Variants in NTM observed in about 807,000 individuals in gnomAD.
NTM encodes the protein neurotrimin, also known as IgLON family member 2.
A neutral mutation model predicts 42.1 loss-of-function variants in NTM; 13 were observed. The observed-to-expected ratio is 0.31, with a 90% confidence interval of 0.20 to 0.49. NTM has a LOEUF of 0.49. Ranked by LOEUF, NTM falls within the 20% of genes least tolerant of loss-of-function variation. The pLI, the probability that NTM is intolerant of heterozygous loss-of-function variation, is 0.99. For synonymous variants in NTM, 187 were observed against 179.2 expected (o/e 1.04, Z -0.35); for missense variants, 373 against 452.8 (o/e 0.82, Z 1.60).
At chr11:132,079,681 A>C (rs1206009245) in intron 2 of NTM, among the ~76,000 whole-genome samples, 1 of 152,208 alleles carries the variant, frequency 6.6e-6, no homozygotes, top group Non-Finnish European at 1.5e-5. Context: ...TCTTGATGAC[A>C]ATTGTGAACG....
At chr11:131,408,290 C>T (rs1053636759) in intron 1 of NTM, among the ~76,000 whole-genome samples, 1 of 152,190 alleles carries the variant, frequency 6.6e-6, no homozygotes, top group Non-Finnish European at 1.5e-5. Flanking sequence ...AAACCCCTAT[C>T]CTGCCTGTAA....
chr11:131,389,023 A>AG lies in NTM; in HGVS notation c.82+18135_82+18136insG, dbSNP rs1475118327. The stretch of plus-strand genomic sequence containing the variant: ...GCAAGACTTCATCACAAAAAAAAAA[A>AG]AAAAAGAAAAGAAAAGAAAAGAAAA... On this transcript the variant is annotated intron_variant, in intron 1 of 8. Transcript: ENST00000683400. Among the ~76,000 whole-genome samples, 331 of 147,328 alleles carry AG rather than the reference A, an allele frequency of 2.2e-3. 2 individuals carry two copies. Among genetic ancestry groups the AG allele is most frequent in the African/African-American group, 7.1e-3 (283 of 40,138 alleles).
intron 4 of NTM, 106 bp downstream of exon 4, chr11:132,212,253 T>C (rs1180316117): frequency 1.3e-5 from 11 of 846,662 alleles, no homozygotes; most frequent in Non-Finnish European, 2.0e-5. Flanking sequence ...GAGTCTACGT[T>C]TTTGGTGGCT....
chr11:131,382,191 G>C (rs1942769974), intron 1 of NTM, among the ~76,000 whole-genome samples: 1 of 152,138 alleles, frequency 6.6e-6, no homozygotes. Context: ...AGTGTGGAGG[G>C]TTGTACTTGG....
At chr11:131,405,915 A>G (rs989046662) in intron 1 of NTM, among the ~76,000 whole-genome samples, 5 of 152,080 alleles carry the variant, frequency 3.3e-5, no homozygotes, top group Non-Finnish European at 5.9e-5. Flanking sequence ...TTCTTCCTGG[A>G]AGGTTTTCCC....
chr11:131,924,007 C>T (rs1352196888), intron 2 of NTM, among the ~76,000 whole-genome samples: 1 of 152,230 alleles, frequency 6.6e-6, no homozygotes, highest in Non-Finnish European at 1.5e-5. Flanking sequence ...GTGCCTGGCA[C>T]TCTGCTCATA....
At chr11:132,332,086 A>T (rs892401647) in intron 8 of NTM, among the ~76,000 whole-genome samples, 2 of 152,260 alleles carry the variant, frequency 1.3e-5, no homozygotes, top group African/African-American at 4.8e-5. Context: ...TGGAATTCGC[A>T]TAAAGAATAA....
At chr11:131,562,349 A>T (rs1009701257) in intron 1 of NTM, among the ~76,000 whole-genome samples, 1 of 152,220 alleles carries the variant, frequency 6.6e-6, no homozygotes, top group African/African-American at 2.4e-5. Flanking sequence ...TTGAAGAATC[A>T]AATTCATTAT....
At chr11:132,008,156 A>G (rs970971746) in intron 2 of NTM, among the ~76,000 whole-genome samples, 4 of 152,202 alleles carry the variant, frequency 2.6e-5, no homozygotes, top group Non-Finnish European at 5.9e-5. Context: ...ACTCCACTGT[A>G]TGGGGATCAT....
chr11:131,681,290 CGT>C (rs1484003900), intron 1 of NTM, among the ~76,000 whole-genome samples: 2 of 13,862 alleles, frequency 1.4e-4, no homozygotes, highest in Non-Finnish European at 1.8e-4. Flanking sequence ...TGTGTGTGAG[CGT>C]GTGTGTTTCT....
At chr11:131,545,383 T>TTTC (rs1161829178) in intron 1 of NTM, among the ~76,000 whole-genome samples, 22 of 152,190 alleles carry the variant, frequency 1.4e-4, no homozygotes, top group Non-Finnish European at 3.2e-4. Flanking sequence ...TTCTCTCAGC[T>TTTC]TTCTCATTCT....
intron 1 of NTM, among the ~76,000 whole-genome samples, chr11:131,584,898 G>A (rs1483964511): frequency 6.6e-6 from 1 of 152,154 alleles, no homozygotes; most frequent in African/African-American, 2.4e-5. Context: ...ATCGGGCCTG[G>A]TGCTGCCAGG....
intron 1 of NTM, among the ~76,000 whole-genome samples, chr11:131,505,859 G>A (rs969799744): frequency 1.1e-4 from 17 of 152,158 alleles, no homozygotes; most frequent in African/African-American, 4.1e-4. Flanking sequence ...AACTAGCTGT[G>A]TGATCCCGCG....
At chr11:132,333,961 G>A (rs984943362) in intron 8 of NTM, among the ~76,000 whole-genome samples, 1 of 152,238 alleles carries the variant, frequency 6.6e-6, no homozygotes, top group Non-Finnish European at 1.5e-5. Flanking sequence ...AGTCAGGCAG[G>A]CAGGTTCTGG....
At chr11:131,787,381 T>TA (rs34121027) in intron 1 of NTM, among the ~76,000 whole-genome samples, 85 of 59,774 alleles carry the variant, frequency 1.4e-3, no homozygotes, top group African/African-American at 5.1e-3. Context: ...TTATTATTAT[T>TA]TTATTTTTAT....
intron 1 of NTM, among the ~76,000 whole-genome samples, chr11:131,807,420 G>T (rs542451785): frequency 6.6e-6 from 1 of 152,314 alleles, no homozygotes; most frequent in Non-Finnish European, 1.5e-5. Flanking sequence ...GTAGTGCTAA[G>T]AACAGAAAGG....
At chr11:131,932,177 C>T (rs1346170696) in intron 2 of NTM, among the ~76,000 whole-genome samples, 1 of 152,204 alleles carries the variant, frequency 6.6e-6, no homozygotes, top group Non-Finnish European at 1.5e-5. Flanking sequence ...TCCCTGTCCT[C>T]ACAGCACTTC....
intron 4 of NTM, among the ~76,000 whole-genome samples, chr11:132,272,387 A>G (rs1466479899): frequency 1.3e-5 from 2 of 152,138 alleles, no homozygotes; most frequent in African/African-American, 2.4e-5. Flanking sequence ...TACAAATTTT[A>G]TCATCAGCTT....
chr11:131,439,771 A>C (rs1323032977), intron 1 of NTM, among the ~76,000 whole-genome samples: 2 of 152,268 alleles, frequency 1.3e-5, no homozygotes, highest in East Asian at 1.9e-4. Context: ...TTCTCAGGTG[A>C]GGCGATGCCC....
Sources: allele counts gnomAD v4.1 joint callset (sites outside exome capture counted in the v4.1 genomes callset), GRCh38; gene constraint gnomAD v4.1.1; transcripts MANE v1.5; gene names NCBI Gene and HGNC (gene_info 2026-07-23, HGNC 2026-07-21).